Variants in USP45 observed in about 807,000 individuals in gnomAD.
USP45 encodes ubiquitin carboxyl-terminal hydrolase 45.
USP45 carries 89 observed loss-of-function variants against 95.8 expected under a neutral mutation model. The ratio of observed to expected loss-of-function variants is 0.93; its 90% CI spans 0.78 to 1.11. The LOEUF (loss-of-function observed/expected upper bound fraction) is 1.11, where lower values mean the gene tolerates loss of function less well. Ranked by LOEUF, USP45 falls within the 50% of genes least tolerant of loss-of-function variation. The pLI, the probability that USP45 is intolerant of heterozygous loss-of-function variation, is 0.00. For synonymous variants in USP45, 281 were observed against 316.2 expected (o/e 0.89, Z 1.18); for missense variants, 898 against 942.5 (o/e 0.95, Z 0.62).
At chr6:99,507,615 T>C (rs2128805004) in intron 3 of USP45, 84 bp from the exon 4 acceptor site, 4 of 897,106 alleles carry the variant, frequency 4.5e-6, no homozygotes, top group South Asian at 1.6e-5. Context: ...CTCACACTTA[T>C]ACTGAAAAGT....
rs1481847227 is a variant in USP45, at chr6:99,510,243, A to AG, written c.-10-14dup. 1 of 1,581,594 alleles carries AG rather than the reference A, an allele frequency of 6.3e-7. No homozygotes were observed. Among genetic ancestry groups the AG allele is most frequent in the African/African-American group, 1.4e-5 (1 of 73,776 alleles). The stretch of plus-strand genomic sequence containing the variant: ...CATCTGTTATTTACTGAAGGGATTG[A>AG]GGGAAAAAAATTCATACATTTTAGT... On this transcript the variant is annotated splice_polypyrimidine_tract_variant and intron_variant, in intron 1 of 17. Transcript: ENST00000500704.
intron 5 of USP45, among the ~76,000 whole-genome samples, chr6:99,495,839 A>G (rs1796172358): frequency 6.6e-6 from 1 of 152,126 alleles, no homozygotes; most frequent in Non-Finnish European, 1.5e-5. Flanking sequence ...TTAACACCCT[A>G]ACATCCTAGG....
At chr6:99,497,181 G>A (rs1225169054) in intron 5 of USP45, among the ~76,000 whole-genome samples, 1 of 151,764 alleles carries the variant, frequency 6.6e-6, no homozygotes, top group Non-Finnish European at 1.5e-5. Context: ...TTCTGGGTGG[G>A]ACTCACAAAA....
At chr6:99,479,948 T>A (rs1247955643) in intron 8 of USP45, among the ~76,000 whole-genome samples, 1 of 152,158 alleles carries the variant, frequency 6.6e-6, no homozygotes, top group Non-Finnish European at 1.5e-5. Context: ...TGATACAGAT[T>A]GGAAAGAAAG....
At chr6:99,488,551 T>C in intron 6 of USP45, 130 bp downstream of exon 6, 1 of 1,055,794 alleles carries the variant, frequency 9.5e-7, no homozygotes, top group Admixed American at 2.6e-5. Context: ...CAAGATAGCG[T>C]AAACAAAAGG....
chr6:99,442,275 C>G (rs1781666433), intron 15 of USP45, among the ~76,000 whole-genome samples: 1 of 152,204 alleles, frequency 6.6e-6, no homozygotes, highest in African/African-American at 2.4e-5. Context: ...CAGATGTACC[C>G]TTTCCATTAG....
intron 4 of USP45, among the ~76,000 whole-genome samples, chr6:99,506,524 G>A (rs1176013490): frequency 6.6e-6 from 1 of 152,110 alleles, no homozygotes; most frequent in Admixed American, 6.5e-5. Context: ...GGCCAGGCTG[G>A]TCTCAAACTG....
rs762363238 is a variant in USP45 at position 99,488,699 on chromosome 6, AAAGC to A, written c.596_599del (p.Cys199PhefsTer18). On this transcript the variant is annotated frameshift_variant, in exon 6 of 18. Transcript: ENST00000500704. LOFTEE classifies it high-confidence loss of function. ...CTCTTACCTGCATGACTGCATTAAA[AAAGC>A]AAGTATTTCCTAAATTTGTAATTCC... The A allele has an allele frequency of 3.7e-6, 6 of 1,600,530 alleles. No homozygotes were observed. In the African/African-American group the frequency reaches 4.0e-5, roughly 11 times the overall value.
At chr6:99,510,448 T>C (rs1187992594) in intron 1 of USP45, among the ~76,000 whole-genome samples, 1 of 152,208 alleles carries the variant, frequency 6.6e-6, no homozygotes, top group Non-Finnish European at 1.5e-5. Context: ...ACTATACCAT[T>C]ATGGACTAAA....
At chr6:99,460,771 C>T (rs1230299652) in intron 13 of USP45, 2 of 984,350 alleles carry the variant, frequency 2.0e-6, no homozygotes, top group African/African-American at 3.5e-5. Flanking sequence ...AATATAACCC[C>T]AATGATGAGA....
At position 99,476,236 on chromosome 6, in the gene USP45, A is replaced by G. The variant is rs1430566819; in HGVS notation, c.846-6T>C. 6.2e-7 allele frequency: 1 copy of G among 1,612,946 alleles called. No individual in the cohort carries two copies. The highest frequency in any genetic ancestry group is 1.3e-5 in the African/African-American group (1 of 75,018). ...AATCTTTAAATCGAGGTGCCCTGTG[A>G]TTTAAAAACAAAAGAGGAAAGAAAA... On this transcript the variant is annotated splice_region_variant and splice_polypyrimidine_tract_variant and intron_variant, in intron 8 of 17. Transcript: ENST00000500704.
chr6:99,454,019 C>G (rs1225317514), intron 13 of USP45, among the ~76,000 whole-genome samples: 1 of 152,114 alleles, frequency 6.6e-6, no homozygotes, highest in Non-Finnish European at 1.5e-5. Context: ...ATCACTAAAG[C>G]AATCCTGGGC....
intron 13 of USP45, chr6:99,461,303 G>A: frequency 1.0e-6 from 1 of 985,274 alleles, no homozygotes; most frequent in Non-Finnish European, 1.2e-6. Context: ...GGAAAGAAGG[G>A]AAGAAAAATA....
chr6:99,505,346 G>T lies in USP45; in HGVS notation c.378-1481C>A, dbSNP rs554997650. 1.1e-4 allele frequency among the ~76,000 whole-genome samples: 16 copies of T among 152,142 alleles called. No individual in the cohort carries two copies. In the South Asian group the frequency reaches 3.3e-3, roughly 32 times the overall value. The stretch of plus-strand genomic sequence containing the variant: ...AGTGATCATTTAAGAACATGTGTTG[G>T]AAAGTGTTCAAAGTGTTTTATAAAT... On this transcript the variant is annotated intron_variant, in intron 4 of 17. Coordinates refer to ENST00000500704, the MANE Select transcript of USP45 (RefSeq NM_001346022.3).
chr6:99,451,391 TAGAC>T (rs750369051), intron 13 of USP45, among the ~76,000 whole-genome samples: 46 of 151,010 alleles, frequency 3.0e-4, no homozygotes, highest in South Asian at 8.4e-4. Context: ...ACACCAATAA[TAGAC>T]AGAGAGCCAA....
intron 7 of USP45, among the ~76,000 whole-genome samples, chr6:99,483,564 C>A (rs1434215719): frequency 6.6e-6 from 1 of 152,116 alleles, no homozygotes; most frequent in Non-Finnish European, 1.5e-5. Context: ...TCCGGCCGGG[C>A]GCGGTGGCTC....
intron 8 of USP45, among the ~76,000 whole-genome samples, chr6:99,478,392 AT>A (rs1439024074): frequency 5.9e-5 from 9 of 152,218 alleles, no homozygotes; most frequent in African/African-American, 2.2e-4. Flanking sequence ...TATTCAGCCT[AT>A]TCAAAATAAG....
intron 5 of USP45, among the ~76,000 whole-genome samples, chr6:99,494,139 G>A (rs1454863584): frequency 6.6e-6 from 1 of 151,854 alleles, no homozygotes; most frequent in African/African-American, 2.4e-5. Flanking sequence ...AAGTTTCCAG[G>A]CTAGGTTATT....
intron 5 of USP45, among the ~76,000 whole-genome samples, chr6:99,501,318 C>T (rs1583421957): frequency 6.6e-6 from 1 of 151,876 alleles, no homozygotes; most frequent in South Asian, 2.1e-4. Flanking sequence ...ACCGTGATAC[C>T]CCCCTGCTTA....
Sources: allele counts gnomAD v4.1 joint callset (sites outside exome capture counted in the v4.1 genomes callset), GRCh38; gene constraint gnomAD v4.1.1; transcripts MANE v1.5; gene names NCBI Gene and HGNC (gene_info 2026-07-23, HGNC 2026-07-21).